The following TENM2 variants were observed in gnomAD, a reference collection of about 807,000 sequenced individuals.
TENM2 encodes the protein teneurin transmembrane protein 2, also known as teneurin-2.
In TENM2, 52 loss-of-function variants were observed where a neutral mutation model predicts 245.2. The ratio of observed to expected loss-of-function variants is 0.21; its 90% CI spans 0.17 to 0.27. The LOEUF (loss-of-function observed/expected upper bound fraction) is 0.27, where lower values mean the gene tolerates loss of function less well. Ranked by LOEUF, TENM2 falls within the 10% of genes least tolerant of loss-of-function variation. TENM2 has a pLI of 1.00. For missense variants in TENM2, 3,046 were observed against 3,666.8 expected (o/e 0.83, Z 4.37); for synonymous variants, 1,363 against 1,438.9 (o/e 0.95, Z 1.19).
chr5:168,259,943 T>C (rs1334296898), intron 27 of TENM2, among the ~76,000 whole-genome samples: 1 of 152,242 alleles, frequency 6.6e-6, no homozygotes, highest in African/African-American at 2.4e-5. Flanking sequence ...ACACAATTAT[T>C]ATCCCAATTC....
At chr5:167,370,368 AAAAG>A (rs1359248806) in intron 1 of TENM2, among the ~76,000 whole-genome samples, 2 of 150,044 alleles carry the variant, frequency 1.3e-5, no homozygotes, top group Non-Finnish European at 1.5e-5. Context: ...AAAAAAAAAA[AAAAG>A]ACGTGGAGAG....
At chr5:167,559,728 CAT>C (rs1164024688) in intron 2 of TENM2, among the ~76,000 whole-genome samples, 2 of 152,058 alleles carry the variant, frequency 1.3e-5, no homozygotes, top group Non-Finnish European at 2.9e-5. Context: ...TATCCCATAT[CAT>C]AGTATTTTGG....
intron 2 of TENM2, among the ~76,000 whole-genome samples, chr5:167,650,630 C>T (rs1032038591): frequency 2.6e-5 from 4 of 152,196 alleles, no homozygotes; most frequent in East Asian, 3.9e-4. Context: ...GCAGAAAATA[C>T]AATCAGATGA....
intron 23 of TENM2, among the ~76,000 whole-genome samples, chr5:168,223,415 T>A (rs1424677582): frequency 6.6e-6 from 1 of 152,088 alleles, no homozygotes; most frequent in African/African-American, 2.4e-5. Context: ...TCTGATGTTT[T>A]AAATACCTTT....
At chr5:167,775,044 A>G (rs970363432) in intron 2 of TENM2, among the ~76,000 whole-genome samples, 1 of 152,026 alleles carries the variant, frequency 6.6e-6, no homozygotes, top group African/African-American at 2.4e-5. Context: ...ATCTCGGCTC[A>G]CCGCAACCTC....
chr5:167,923,212 A>T (rs1777503191), intron 3 of TENM2, among the ~76,000 whole-genome samples: 1 of 152,096 alleles, frequency 6.6e-6, no homozygotes, highest in African/African-American at 2.4e-5. Flanking sequence ...CCAGCTACTC[A>T]GGATGCTGAG....
At chr5:167,419,128 T>TATA (rs1763337959) in intron 2 of TENM2, among the ~76,000 whole-genome samples, 1 of 63,914 alleles carries the variant, frequency 1.6e-5, no homozygotes, top group Non-Finnish European at 4.1e-5. Flanking sequence ...TAGATGTGTA[T>TATA]GTAGATAGAT....
chr5:168,113,795 A>G (rs1794858089), intron 9 of TENM2, among the ~76,000 whole-genome samples: 1 of 152,200 alleles, frequency 6.6e-6, no homozygotes, highest in Admixed American at 6.5e-5. Context: ...TAGATTTAGT[A>G]AAACAGGAAT....
At chr5:168,169,775 G>A (rs1423979728) in intron 13 of TENM2, among the ~76,000 whole-genome samples, 1 of 152,222 alleles carries the variant, frequency 6.6e-6, no homozygotes, top group Non-Finnish European at 1.5e-5. Context: ...CTTGATTAAT[G>A]TATCCCAATC....
At chr5:167,093,944 T>C in the TENM2 span, among the ~76,000 whole-genome samples, 1 of 152,308 alleles carries the variant, frequency 6.6e-6, no homozygotes, top group Non-Finnish European at 1.5e-5. Flanking sequence ...ACTGACCCAG[T>C]GGATGACGGG....
At chr5:167,713,170 A>G (rs763549731) in intron 2 of TENM2, among the ~76,000 whole-genome samples, 1 of 151,960 alleles carries the variant, frequency 6.6e-6, no homozygotes, top group Non-Finnish European at 1.5e-5. Flanking sequence ...TTCATAATCT[A>G]TGTTTATTAG....
At chr5:168,228,205 T>G in intron 25 of TENM2, 75 bp downstream of exon 27, 1 of 1,250,230 alleles carries the variant, frequency 8.0e-7, no homozygotes, top group Non-Finnish European at 1.2e-6. Flanking sequence ...TGAGAAAGTT[T>G]CTCTGTTACC....
At chr5:167,204,171 A>G in the TENM2 span, among the ~76,000 whole-genome samples, 4 of 151,782 alleles carry the variant, frequency 2.6e-5, no homozygotes, top group African/African-American at 7.3e-5. Context: ...AAAAAAAAAA[A>G]GGTGATTGAC....
intron 2 of TENM2, among the ~76,000 whole-genome samples, chr5:167,394,932 C>T (rs1343756660): frequency 1.3e-5 from 2 of 152,106 alleles, no homozygotes; most frequent in African/African-American, 4.8e-5. Flanking sequence ...GTGATGCCTC[C>T]AGCTTTGTTC....
the TENM2 span, among the ~76,000 whole-genome samples, chr5:167,073,419 G>C: frequency 1.3e-5 from 2 of 152,118 alleles, no homozygotes; most frequent in African/African-American, 4.8e-5. Flanking sequence ...TTGCATTGTT[G>C]ATCAAAATGC....
At chr5:167,937,436 A>C (rs1399745069) in intron 3 of TENM2, among the ~76,000 whole-genome samples, 1 of 152,166 alleles carries the variant, frequency 6.6e-6, no homozygotes, top group African/African-American at 2.4e-5. Context: ...CATCACGGGA[A>C]ACTGGCAGAC....
the TENM2 span, among the ~76,000 whole-genome samples, chr5:167,130,628 T>C: frequency 6.6e-6 from 1 of 152,170 alleles, no homozygotes; most frequent in Non-Finnish European, 1.5e-5. Context: ...CAGCCAGAGT[T>C]GGCCATGTGG....
At chr5:167,467,131 C>A (rs1428110927) in intron 2 of TENM2, among the ~76,000 whole-genome samples, 1 of 152,114 alleles carries the variant, frequency 6.6e-6, no homozygotes, top group Non-Finnish European at 1.5e-5. Flanking sequence ...CCATAATCCC[C>A]AAGTGTTAAG....
chr5:167,774,194 GAAGGAGGA>G, intron 2 of TENM2, among the ~76,000 whole-genome samples: 1 of 111,742 alleles, frequency 8.9e-6, no homozygotes, highest in Admixed American at 1.0e-4. Context: ...GGGAGGGAGG[GAAGGAGGA>G]AGGGAGGGAG....
Sources: gnomAD v4.1 joint callset for allele counts (sites outside exome capture counted in the v4.1 genomes callset) on GRCh38, gnomAD v4.1.1 for gene constraint, MANE v1.5 for transcripts, NCBI Gene and HGNC (gene_info 2026-07-23, HGNC 2026-07-21) for gene names.